Variants in CAPN15 observed in about 807,000 individuals in gnomAD.
CAPN15 encodes calpain-15.
CAPN15 carries 53 observed loss-of-function variants against 97.9 expected under a neutral mutation model. The observed-to-expected ratio is 0.54, with a 90% CI of 0.43 to 0.68. The LOEUF (loss-of-function observed/expected upper bound fraction) is 0.68. CAPN15 is among the 30% of genes least tolerant of loss of function. The probability of loss-of-function intolerance (pLI) is 0.00; values close to 1 mark genes in which losing one functional copy is unlikely to be tolerated. For synonymous variants in CAPN15, 922 were observed against 722.5 expected (o/e 1.28, Z -4.43); for missense variants, 1,592 against 1,589.8 (o/e 1.00, Z -0.02).
At position 541,383 on chromosome 16, in the gene CAPN15, T is replaced by C. The variant is rs9941103; in HGVS notation, c.-23+5241T>C. Among the ~76,000 whole-genome samples, 971 of 152,186 alleles carry C rather than the reference T, an allele frequency of 6.4e-3. 12 individuals carry two copies. Among genetic ancestry groups the C allele is most frequent in the African/African-American group, 0.022 (916 of 41,532 alleles). Reference sequence around the variant, plus strand: ...CAGAGGCAGGGCCGGGGAGGGGCCGTGTGGGGGAGCCCTGGAGCCCTGTCT... The same window carrying C: ...CAGAGGCAGGGCCGGGGAGGGGCCGCGTGGGGGAGCCCTGGAGCCCTGTCT... On this transcript the variant is annotated intron_variant, in intron 3 of 13. Coordinates refer to ENST00000219611, the MANE Select transcript of CAPN15 (RefSeq NM_005632.3).
At position 546,883 on chromosome 16, in the gene CAPN15, G is replaced by C. The variant is rs374960720; in HGVS notation, c.45G>C (p.Leu15=). The change falls in exon 4 of 14, where the codon CTG becomes CTC. Residue 15 remains leucine, a synonymous_variant. Coordinates refer to ENST00000219611, the MANE Select transcript of CAPN15 (RefSeq NM_005632.3). ...GEWSCVRCTF[L]NPAGQRQCSI... is the part of the protein sequence containing the mutation. ...GGTCCTGTGTGCGCTGCACCTTCCTGAACCCGGCCGGCCAGCGCCAGTGCT... is the reference window on the plus strand; with the variant it reads ...GGTCCTGTGTGCGCTGCACCTTCCTCAACCCGGCCGGCCAGCGCCAGTGCT... 272 of 1,611,392 alleles carry C rather than the reference G, an allele frequency of 1.7e-4. No homozygotes were observed. The highest frequency in any genetic ancestry group is 2.1e-4 in the Non-Finnish European group (253 of 1,179,706).
At position 549,628 on chromosome 16, in the gene CAPN15, A is replaced by C; in HGVS notation, c.1856A>C (p.Gln619Pro). 1.3e-6 allele frequency: 2 copies of C among 1,548,118 alleles called. No homozygotes were observed. The highest frequency in any genetic ancestry group is 1.7e-6 in the Non-Finnish European group (2 of 1,151,630). ...GGCCCTCTGCAGGCGCAGCGGAAGC[A>C]GCTGTGGGTGGCCCTCATCGAGAAG... ...CLLFSQAQRKQLWVALIEKAL... is the reference protein window; with the variant it reads ...CLLFSQAQRKPLWVALIEKAL... The change falls in exon 7 of 14, where the codon CAG becomes CCG. Residue 619 changes from glutamine (Q) to proline (P), a missense_variant. This residue lies in a region of CAPN15 where 644 missense variants were observed against 699.6 expected (regional missense o/e 0.92). Coordinates refer to ENST00000219611, the MANE Select transcript of CAPN15 (RefSeq NM_005632.3).
At chr16:551,478 G>A (rs372586348) in intron 8 of CAPN15, 34 bp from the exon 9 acceptor site, 105 of 1,602,452 alleles carry the variant, frequency 6.6e-5, no homozygotes, top group Middle Eastern at 1.7e-4. Flanking sequence ...GACTCGGGCA[G>A]TGTGGTTCAG....
Position 547,645 on chromosome 16 carries a change from C to CGGCT in CAPN15, c.809_812dup (p.Cys271TrpfsTer51). 1 of 1,570,200 alleles carries CGGCT rather than the reference C, an allele frequency of 6.4e-7. No individual in the cohort carries two copies. Among genetic ancestry groups the CGGCT allele is most frequent in the Non-Finnish European group, 8.6e-7 (1 of 1,158,608 alleles). On this transcript the variant is annotated frameshift_variant, in exon 4 of 14. Transcript: ENST00000219611. LOFTEE classifies it high-confidence loss of function. ...AGGCTGCCCAGCCGTCACCCTCTGC[C>CGGCT]GGCTGCAGGGGAGCCCCCCAGGGCT...
At position 549,294 on chromosome 16, in the gene CAPN15, G is replaced by A; in HGVS notation, c.1665G>A (p.Leu555=). The A allele has an allele frequency of 1.3e-6, 2 of 1,587,000 alleles. No individual in the cohort carries two copies. Among genetic ancestry groups the A allele is most frequent in the East Asian group, 2.3e-5 (1 of 43,998 alleles). Residue 555 remains leucine (L), a synonymous_variant, in exon 6 of 14, where the codon CTG becomes CTA. Coordinates refer to ENST00000219611, the MANE Select transcript of CAPN15 (RefSeq NM_005632.3). ...LQGLLGNCWF[L]SALAVLAERP... ...ACCCTGAGGCTCTGCGCAGGTTCCT[G>A]AGCGCCCTGGCGGTGCTGGCGGAGC... is the stretch of plus-strand genomic sequence containing the variant.
rs775337921 is a variant in CAPN15 at position 549,324 on chromosome 16, G to A, written c.1695G>A (p.Pro565=). ...LSALAVLAER[P]DLVERVMVTR... ...CCCTGGCGGTGCTGGCGGAGCGGCC[G>A]GACCTGGTGGAGCGGGTGATGGTCA... The change falls in exon 6 of 14, where the codon CCG becomes CCA. Residue 565 remains proline, a synonymous_variant. Coordinates refer to ENST00000219611, the MANE Select transcript of CAPN15 (RefSeq NM_005632.3). 1.8e-5 allele frequency: 28 copies of A among 1,593,862 alleles called. No individual in the cohort carries two copies. The East Asian group carries it at 2.7e-4, about 15-fold the overall frequency.
Position 552,531 on chromosome 16 carries a change from G to T in CAPN15, c.2737+1G>T. On this transcript the variant is annotated splice_donor_variant, in intron 11 of 13. Transcript: ENST00000219611. LOFTEE classifies it high-confidence loss of function. The surrounding 1 kb of genome is among the most constrained non-coding windows in gnomAD (Gnocchi z 6.4). Reference sequence around the variant, plus strand: ...CTGCCGGGCACCCCTGCCCCCCAGGGTACGTGGCCCCTACCCCAGGCTCAT... The same window carrying T: ...CTGCCGGGCACCCCTGCCCCCCAGGTTACGTGGCCCCTACCCCAGGCTCAT... 6.3e-7 allele frequency: 1 copy of T among 1,596,334 alleles called. No homozygotes were observed. Among genetic ancestry groups the T allele is most frequent in the Non-Finnish European group, 8.5e-7 (1 of 1,175,666 alleles).
intron 3 of CAPN15, among the ~76,000 whole-genome samples, chr16:544,994 G>A (rs1033551751): frequency 3.4e-5 from 5 of 147,502 alleles, no homozygotes; most frequent in Admixed American, 6.7e-5. Context: ...GTGTGGCTGC[G>A]ACTTCAGGAG....
chr16:530,692 T>C (rs531885407), intron 1 of CAPN15, among the ~76,000 whole-genome samples: 23 of 152,172 alleles, frequency 1.5e-4, no homozygotes, highest in Non-Finnish European at 2.8e-4. Context: ...ATTGTACCAC[T>C]AGGACAGGGG....
rs1433812249 is a variant in CAPN15 at position 551,178 on chromosome 16, C to T, written c.2067-124C>T. The T allele has an allele frequency of 8.4e-5, 119 of 1,413,266 alleles. 2 individuals are homozygous for T. The highest frequency in any genetic ancestry group is 2.7e-4 in the Middle Eastern group (1 of 3,736). 87.5% of individuals were successfully genotyped at this position (1,413,266 alleles called of 1,614,324 possible). A position where few individuals can be genotyped will look rare whatever the true frequency, so the allele number is the denominator to read the frequency against. On this transcript the variant is annotated intron_variant, in intron 7 of 13. Transcript: ENST00000219611. ...GCGCCCCGTCGGTGAGGGTCCCGGT[C>T]GGTGAGGGCCCCGGTCGGTGAGGGT...
In CAPN15 at chr16:536,035, A is replaced by G. The variant is rs1173336326; in HGVS notation, c.-130A>G. ...CCCCCCCCCGGTTATTCAGACAGGGAGCCAGGATGGGAACCACGGACTGAC... is the reference window on the plus strand; with the variant it reads ...CCCCCCCCCGGTTATTCAGACAGGGGGCCAGGATGGGAACCACGGACTGAC... On this transcript the variant is annotated 5_prime_UTR_variant, in exon 3 of 14. Coordinates refer to ENST00000219611, the MANE Select transcript of CAPN15 (RefSeq NM_005632.3). 2.1e-5 allele frequency: 4 copies of G among 194,660 alleles called. No individual in the cohort carries two copies. Among genetic ancestry groups the G allele is most frequent in the Non-Finnish European group, 2.9e-5 (4 of 135,766 alleles). 12.1% of individuals were successfully genotyped at this position (194,660 alleles called of 1,614,324 possible).
chr16:534,395 C>T (rs2033547528), intron 2 of CAPN15, among the ~76,000 whole-genome samples: 1 of 152,210 alleles, frequency 6.6e-6, no homozygotes, highest in Non-Finnish European at 1.5e-5. Context: ...TGGGGAGCGG[C>T]CTGCACCTGT....
chr16:534,803 C>T (rs1238130295), intron 2 of CAPN15, among the ~76,000 whole-genome samples: 1 of 152,196 alleles, frequency 6.6e-6, no homozygotes, highest in South Asian at 2.1e-4. Flanking sequence ...TGCTGCCCCC[C>T]ACACCCCCAG....
In CAPN15 at chr16:551,362, G is replaced by C. The variant is rs761362963; in HGVS notation, c.2127G>C (p.Glu709Asp). Residue 709 changes from glutamate (E) to aspartate (D), a missense_variant, in exon 8 of 14, where the codon GAG becomes GAC. Glu to Asp is a conservative substitution (Grantham distance 45). Around this residue, in one of 3 missense-constraint regions of CAPN15, gnomAD observed 644 missense variants for 699.6 expected, o/e 0.92. Coordinates refer to ENST00000219611, the MANE Select transcript of CAPN15 (RefSeq NM_005632.3). ...GNMKVDDSAY[E>D]SLGLRPRHAY... is the part of the protein sequence containing the mutation. ...TGAAGGTGGACGATTCGGCCTACGA[G>C]AGCCTGGGCCTGCGCCCCCGGCATG... is the stretch of plus-strand genomic sequence containing the variant. 7 of 1,609,958 alleles carry C rather than the reference G, an allele frequency of 4.3e-6. No homozygotes were observed. Among genetic ancestry groups the C allele is most frequent in the African/African-American group, 2.7e-5 (2 of 74,890 alleles).
In CAPN15 at chr16:547,725, G is replaced by A; in HGVS notation, c.887G>A (p.Ser296Asn). 3.7e-6 allele frequency: 6 copies of A among 1,602,448 alleles called. No individual in the cohort carries two copies. Among genetic ancestry groups the A allele is most frequent in the South Asian group, 1.1e-5 (1 of 90,320 alleles). The change falls in exon 4 of 14, where the codon AGT becomes AAT. Residue 296 changes from serine (S) to asparagine (N), a missense_variant. Coordinates refer to ENST00000219611, the MANE Select transcript of CAPN15 (RefSeq NM_005632.3). ...LAELLSGKRL[S>N]VLEEEATEGG... Reference sequence around the variant, plus strand: ...GAGTTGCTGTCTGGCAAGCGGCTGAGTGTGCTGGAGGAAGAGGCCACGGAG... The same window carrying A: ...GAGTTGCTGTCTGGCAAGCGGCTGAATGTGCTGGAGGAAGAGGCCACGGAG...
In CAPN15 at chr16:547,248, A is replaced by C; in HGVS notation, c.410A>C (p.Glu137Ala). The C allele has an allele frequency of 6.6e-7, 1 of 1,514,314 alleles. No homozygotes were observed. Among genetic ancestry groups the C allele is most frequent in the Non-Finnish European group, 8.8e-7 (1 of 1,137,344 alleles). 93.8% of individuals were successfully genotyped at this position (1,514,314 alleles called of 1,614,324 possible). ...DEEEKEEQEE[E>A]EGAAEPRGGW... ...GAGGAGAAGGAGGAGCAGGAGGAGGAGGAGGGAGCGGCGGAGCCCAGAGGG... is the reference window on the plus strand; with the variant it reads ...GAGGAGAAGGAGGAGCAGGAGGAGGCGGAGGGAGCGGCGGAGCCCAGAGGG... Residue 137 changes from glutamate (E) to alanine (A), a missense_variant, in exon 4 of 14, where the codon GAG becomes GCG. Coordinates refer to ENST00000219611, the MANE Select transcript of CAPN15 (RefSeq NM_005632.3).
At chr16:531,165 C>G (rs182565435) in intron 1 of CAPN15, among the ~76,000 whole-genome samples, 172 of 152,360 alleles carry the variant, frequency 1.1e-3, no homozygotes, top group African/African-American at 3.8e-3. Flanking sequence ...CTTCCCCTCA[C>G]TTCTCTTCAA....
intron 3 of CAPN15, chr16:538,255 G>A (rs2033868704): frequency 6.6e-6 from 1 of 152,212 alleles, no homozygotes; most frequent in Admixed American, 6.5e-5. Flanking sequence ...TGACCCCGAG[G>A]CCTGAATTTC....
rs991128905 is a variant in CAPN15 at position 547,350 on chromosome 16, G to C, written c.512G>C (p.Arg171Thr). ...TGCTCCGTCTGCGGGGGCCCACGCA[G>C]GCTCTCGCTGCCACGGATCCCTCCT... ...SSCSVCGGPR[R>T]LSLPRIPPEA... The change falls in exon 4 of 14, where the codon AGG (arginine) becomes ACG (threonine). Residue 171 changes from arginine (R) to threonine (T), a missense_variant. Arg to Thr is a moderately conservative substitution (Grantham distance 71). Around this residue, in one of 3 missense-constraint regions of CAPN15, gnomAD observed 883 missense variants for 776.6 expected, o/e 1.14. Transcript: ENST00000219611. 1.9e-6 allele frequency: 3 copies of C among 1,544,668 alleles called. No individual in the cohort carries two copies. Among genetic ancestry groups the C allele is most frequent in the Non-Finnish European group, 2.6e-6 (3 of 1,152,078 alleles).
Sources: allele counts gnomAD v4.1 joint callset (sites outside exome capture counted in the v4.1 genomes callset), GRCh38; gene constraint gnomAD v4.1.1; regional missense constraint gnomAD v4.1.1; non-coding constraint Gnocchi (gnomAD v3.1); transcripts MANE v1.5; gene names NCBI Gene and HGNC (gene_info 2026-07-23, HGNC 2026-07-21).